QKI: variants seen among roughly 807,000 people sequenced by gnomAD.
The protein encoded by QKI is QKI, KH domain containing RNA binding, also known as KH domain-containing RNA-binding protein QKI.
Under a neutral mutation model 39.0 loss-of-function variants are expected in QKI, and 10 were observed. The observed-to-expected ratio is 0.26, with a 90% CI of 0.16 to 0.43. The LOEUF is 0.43. QKI is among the 20% of genes least tolerant of loss of function. The pLI is 1.00. For synonymous variants in QKI, 204 were observed against 155.4 expected (o/e 1.31, Z -2.33); for missense variants, 218 against 428.0 (o/e 0.51, Z 4.33).
At chr6:163,494,402 C>T (rs1457008649) in intron 3 of QKI, among the ~76,000 whole-genome samples, 1 of 152,196 alleles carries the variant, frequency 6.6e-6, no homozygotes, top group African/African-American at 2.4e-5. Flanking sequence ...TTTGTGTGTA[C>T]ACACAGTGTT....
At chr6:163,433,143 T>C (rs1788967695) in intron 1 of QKI, among the ~76,000 whole-genome samples, 1 of 152,228 alleles carries the variant, frequency 6.6e-6, no homozygotes, top group Non-Finnish European at 1.5e-5. Flanking sequence ...ACTTTTTCAT[T>C]TGATTTTTAA....
chr6:163,564,386 A>G (rs1361184683), intron 6 of QKI: 16 of 1,243,108 alleles, frequency 1.3e-5, no homozygotes, highest in Middle Eastern at 3.1e-4. Flanking sequence ...ACCACATAGT[A>G]TAAGTGGTCC....
intron 2 of QKI, among the ~76,000 whole-genome samples, chr6:163,465,894 C>T (rs1390656496): frequency 6.6e-6 from 1 of 151,016 alleles, no homozygotes; most frequent in Admixed American, 6.6e-5. Flanking sequence ...GAGGCCGAAG[C>T]GGGCGGATCA....
intron 3 of QKI, among the ~76,000 whole-genome samples, chr6:163,496,598 C>T (rs1336983008): frequency 4.6e-5 from 7 of 152,084 alleles, no homozygotes; most frequent in Non-Finnish European, 2.9e-5. Context: ...TTAATGTATT[C>T]AGTTAGAGTC....
chr6:163,444,900 A>C (rs898545591), intron 1 of QKI, among the ~76,000 whole-genome samples: 8 of 151,902 alleles, frequency 5.3e-5, no homozygotes, highest in African/African-American at 1.9e-4. Context: ...CAAAGCAAAC[A>C]CTTTTTAATT....
rs117380461 is a variant in QKI at position 163,511,772 on chromosome 6, A to C, written c.403-23210A>C. The stretch of plus-strand genomic sequence containing the variant: ...AAATTTTATCAAACTTCAAGAAAGA[A>C]ATATTGTGAATCTTATGTAAAGTCT... On this transcript the variant is annotated intron_variant, in intron 3 of 7. Transcript: ENST00000361752. Among the ~76,000 whole-genome samples, 1,317 of 152,088 alleles carry C rather than the reference A, an allele frequency of 8.7e-3. 11 individuals carry two copies. Among genetic ancestry groups the C allele is most frequent in the South Asian group, 0.027 (128 of 4,816 alleles).
At chr6:163,527,886 A>G (rs904609578) in intron 3 of QKI, among the ~76,000 whole-genome samples, 1 of 152,168 alleles carries the variant, frequency 6.6e-6, no homozygotes, top group Non-Finnish European at 1.5e-5. Flanking sequence ...AGTTTTAACA[A>G]CCTCACCTAT....
intron 3 of QKI, among the ~76,000 whole-genome samples, chr6:163,494,685 T>C (rs1391476588): frequency 1.3e-5 from 2 of 151,716 alleles, no homozygotes; most frequent in Non-Finnish European, 2.9e-5. Flanking sequence ...TTGTTGTTAT[T>C]GTTGTTTTTG....
chr6:163,446,048 C>T (rs933200518), intron 1 of QKI, among the ~76,000 whole-genome samples: 1 of 152,190 alleles, frequency 6.6e-6, no homozygotes, highest in African/African-American at 2.4e-5. Context: ...GGGAGATACT[C>T]TGAAACCGTA....
intron 1 of QKI, among the ~76,000 whole-genome samples, chr6:163,438,998 C>T (rs1582988063): frequency 2.0e-5 from 3 of 151,906 alleles, no homozygotes; most frequent in South Asian, 2.1e-4. Flanking sequence ...TGTTTTCGAA[C>T]TTTTCTATTT....
intron 4 of QKI, among the ~76,000 whole-genome samples, chr6:163,560,339 T>C (rs980233737): frequency 6.6e-6 from 1 of 152,172 alleles, no homozygotes; most frequent in African/African-American, 2.4e-5. Flanking sequence ...AATGAAACCA[T>C]GTTGAAAGCA....
intron 3 of QKI, among the ~76,000 whole-genome samples, chr6:163,526,259 G>A (rs1780509144): frequency 1.3e-5 from 2 of 152,162 alleles, no homozygotes; most frequent in South Asian, 2.1e-4. Context: ...TGGGTATAAG[G>A]TAGAAATGTC....
intron 3 of QKI, among the ~76,000 whole-genome samples, chr6:163,492,345 T>C (rs991347909): frequency 3.3e-5 from 5 of 152,198 alleles, no homozygotes; most frequent in Non-Finnish European, 5.9e-5. Flanking sequence ...AAACATGTAA[T>C]TGTTAACTCT....
intron 2 of QKI, among the ~76,000 whole-genome samples, chr6:163,456,672 A>G (rs1790942180): frequency 6.6e-6 from 1 of 152,096 alleles, no homozygotes; most frequent in Admixed American, 6.6e-5. Context: ...ATATACATTT[A>G]CTCTGGTTTT....
At chr6:163,518,662 G>T (rs1345544001) in intron 3 of QKI, among the ~76,000 whole-genome samples, 1 of 152,152 alleles carries the variant, frequency 6.6e-6, no homozygotes, top group Non-Finnish European at 1.5e-5. Flanking sequence ...ATGAGCAAGA[G>T]ATACAAATTT....
At chr6:163,429,255 T>C (rs916428795) in intron 1 of QKI, among the ~76,000 whole-genome samples, 1 of 152,178 alleles carries the variant, frequency 6.6e-6, no homozygotes, top group African/African-American at 2.4e-5. Context: ...AGAAGAAATA[T>C]TCCTTATTGG....
At chr6:163,488,368 G>C (rs548963468) in intron 3 of QKI, among the ~76,000 whole-genome samples, 31 of 152,250 alleles carry the variant, frequency 2.0e-4, no homozygotes, top group Middle Eastern at 6.8e-3. Flanking sequence ...ATAGTGCAGA[G>C]ATTATAGTCT....
chr6:163,495,164 C>G (rs1778326777), intron 3 of QKI, among the ~76,000 whole-genome samples: 2 of 152,158 alleles, frequency 1.3e-5, no homozygotes, highest in Admixed American at 1.3e-4. Flanking sequence ...ATCTGCCTGC[C>G]TCGGCCTCCC....
chr6:163,479,956 G>C (rs1792949060), intron 3 of QKI, among the ~76,000 whole-genome samples: 1 of 152,036 alleles, frequency 6.6e-6, no homozygotes, highest in Non-Finnish European at 1.5e-5. Context: ...GATACACTTT[G>C]GGTTTCATCA....
Sources: gnomAD v4.1 joint callset for allele counts (sites outside exome capture counted in the v4.1 genomes callset) on GRCh38, gnomAD v4.1.1 for gene constraint, MANE v1.5 for transcripts, NCBI Gene and HGNC (gene_info 2026-07-23, HGNC 2026-07-21) for gene names.